FAM149B1: variants seen among roughly 807,000 people sequenced by gnomAD.
The protein encoded by FAM149B1 is primary cilium assembly protein FAM149B1.
In FAM149B1, 56 loss-of-function variants were observed where a neutral mutation model predicts 75.3. That is an observed-to-expected ratio of 0.74 (90% CI 0.60 to 0.93). The LOEUF is 0.93. FAM149B1 is among the 40% of genes least tolerant of loss of function. The probability of loss-of-function intolerance (pLI) is 0.00; values close to 1 mark genes in which losing one functional copy is unlikely to be tolerated. For synonymous variants in FAM149B1, 259 were observed against 256.1 expected (o/e 1.01, Z -0.11); for missense variants, 639 against 708.4 (o/e 0.90, Z 1.11).
Position 73,199,813 on chromosome 10 carries a change from C to T in FAM149B1, c.542+6220C>T, listed in dbSNP as rs189812769. On this transcript the variant is annotated intron_variant, in intron 5 of 13. Transcript: ENST00000242505. ...GCAGCTTTTCAGTCGGGTGCTAAGT[C>T]GTTTTTCACATCATGTCTGGTGGCT... The T allele has an allele frequency of 4.0e-3, 644 of 159,030 alleles. 4 individuals are homozygous for T. Among genetic ancestry groups the T allele is most frequent in the Non-Finnish European group, 5.7e-3 (407 of 71,184 alleles). 9.9% of individuals were successfully genotyped at this position (159,030 alleles called of 1,614,324 possible).
chr10:73,236,886 T>A (rs753233251), intron 12 of FAM149B1, among the ~76,000 whole-genome samples: 3 of 151,920 alleles, frequency 2.0e-5, no homozygotes, highest in African/African-American at 4.8e-5. Context: ...CTGCTAATTT[T>A]TTTATTTTGT....
chr10:73,196,129 C>T (rs1318640341), intron 5 of FAM149B1, among the ~76,000 whole-genome samples: 1 of 152,116 alleles, frequency 6.6e-6, no homozygotes, highest in Non-Finnish European at 1.5e-5. Flanking sequence ...TTTTCTGGTA[C>T]AGTAGGATGT....
At chr10:73,203,930 C>G (rs138554512) in intron 5 of FAM149B1, among the ~76,000 whole-genome samples, 2 of 151,950 alleles carry the variant, frequency 1.3e-5, no homozygotes, top group Non-Finnish European at 2.9e-5. Flanking sequence ...AATGAACCAC[C>G]GTGCCCCACC....
chr10:73,189,182 C>G (rs556077452), intron 3 of FAM149B1, among the ~76,000 whole-genome samples: 8 of 152,158 alleles, frequency 5.3e-5, no homozygotes, highest in African/African-American at 1.7e-4. Context: ...AAATTGAAAA[C>G]TGGGAAGATA....
At chr10:73,240,676 C>T (rs1038580938) in intron 13 of FAM149B1, among the ~76,000 whole-genome samples, 1 of 150,552 alleles carries the variant, frequency 6.6e-6, no homozygotes, top group Non-Finnish European at 1.5e-5. Flanking sequence ...CATGCCACTG[C>T]ACCTCCAGCC....
chr10:73,206,967 C>T (rs1430083724), intron 5 of FAM149B1, among the ~76,000 whole-genome samples: 1 of 152,102 alleles, frequency 6.6e-6, no homozygotes, highest in African/African-American at 2.4e-5. Flanking sequence ...AGCTGTAAGC[C>T]TTGGCAGCTT....
chr10:73,193,641 TA>T, intron 5 of FAM149B1, 48 bp downstream of exon 5: 1 of 1,519,860 alleles, frequency 6.6e-7, no homozygotes, highest in Non-Finnish European at 8.9e-7. Context: ...AATATGCAAG[TA>T]TTATGTCCTA....
chr10:73,228,589 T>C (rs923381276), intron 8 of FAM149B1, among the ~76,000 whole-genome samples: 1 of 151,172 alleles, frequency 6.6e-6, no homozygotes, highest in Non-Finnish European at 1.5e-5. Flanking sequence ...TGGCCCACCC[T>C]GTTTATTTTT....
chr10:73,204,289 TAA>T (rs2043001280), intron 5 of FAM149B1, among the ~76,000 whole-genome samples: 1 of 152,048 alleles, frequency 6.6e-6, no homozygotes, highest in South Asian at 2.1e-4. Flanking sequence ...CACGCCTGGC[TAA>T]TTTTTGTATT....
intron 3 of FAM149B1, among the ~76,000 whole-genome samples, chr10:73,179,795 G>A (rs573404432): frequency 6.6e-6 from 1 of 151,978 alleles, no homozygotes; most frequent in African/African-American, 2.4e-5. Flanking sequence ...TATGATACAT[G>A]TACATACTAT....
chr10:73,199,149 A>G (rs367740450), intron 5 of FAM149B1, among the ~76,000 whole-genome samples: 2 of 152,214 alleles, frequency 1.3e-5, no homozygotes, highest in Non-Finnish European at 2.9e-5. Flanking sequence ...AAATATAACT[A>G]TAACTACCAG....
At position 73,244,192 on chromosome 10, in the gene FAM149B1, A is replaced by C; in HGVS notation, c.*3173A>C. 3 of 423,570 alleles carry C rather than the reference A, an allele frequency of 7.1e-6. No individual in the cohort carries two copies. The highest frequency in any genetic ancestry group is 4.2e-6 in the Non-Finnish European group (1 of 237,426). The allele number at this position is 423,570 out of a possible 1,614,324, so 26.2% of individuals were successfully genotyped here. On this transcript the variant is annotated 3_prime_UTR_variant, in exon 14 of 14. Transcript: ENST00000242505. Reference sequence around the variant, plus strand: ...AAGTACTCTGGCACTCATAAATCACATGATGATAAAAAGGAACATGAGGCC... The same window carrying C: ...AAGTACTCTGGCACTCATAAATCACCTGATGATAAAAAGGAACATGAGGCC...
At chr10:73,172,142 TAA>T (rs1843743624) in intron 1 of FAM149B1, among the ~76,000 whole-genome samples, 1 of 152,230 alleles carries the variant, frequency 6.6e-6, no homozygotes, top group East Asian at 1.9e-4. Flanking sequence ...AAAAATGTCT[TAA>T]GTCTCTATTT....
rs1367697410 is a variant in FAM149B1, at chr10:73,234,820, AG to A, written c.1357del (p.Val453TrpfsTer14). The A allele has an allele frequency of 6.4e-7, 1 of 1,551,518 alleles. No individual in the cohort carries two copies. Among genetic ancestry groups the A allele is most frequent in the South Asian group, 1.2e-5 (1 of 84,064 alleles). On this transcript the variant is annotated frameshift_variant, in exon 11 of 14. Transcript: ENST00000242505. LOFTEE classifies it high-confidence loss of function. ...TGTTTGTTGGTGGGATCTGCAGCCC[AG>A]TGGCACCCGACTCGCTCTCCTCTCC... ...EEILRGARVPVAPDSLSSPSP... is the reference protein window; with the variant it reads ...EEILRGARVPXAPDSLSSPSP...
At chr10:73,194,378 A>C (rs1247757639) in intron 5 of FAM149B1, among the ~76,000 whole-genome samples, 1 of 152,140 alleles carries the variant, frequency 6.6e-6, no homozygotes, top group Admixed American at 6.6e-5. Flanking sequence ...AAAGTTGAAA[A>C]AGTGATTTAT....
At chr10:73,236,256 G>A (rs912082456) in intron 12 of FAM149B1, among the ~76,000 whole-genome samples, 2 of 152,154 alleles carry the variant, frequency 1.3e-5, no homozygotes, top group Non-Finnish European at 2.9e-5. Context: ...TTTCCTCACA[G>A]TTCCAGAGGC....
intron 7 of FAM149B1, among the ~76,000 whole-genome samples, chr10:73,216,132 C>T (rs2043293050): frequency 6.6e-6 from 1 of 151,944 alleles, no homozygotes; most frequent in African/African-American, 2.4e-5. Flanking sequence ...TGAATTGATC[C>T]CTTTGTCATT....
chr10:73,210,329 T>G lies in FAM149B1; in HGVS notation c.789T>G (p.Phe263Leu), dbSNP rs375715642. ...TAGGGTATCCTCCCATTGCTCCATTTTACTGCATGAAAGAAGATGTCCTTG... is the reference window on the plus strand; with the variant it reads ...TAGGGTATCCTCCCATTGCTCCATTGTACTGCATGAAAGAAGATGTCCTTG... ...QKLGYPPIAP[F>L]YCMKEDVLAY... The change falls in exon 7 of 14, where the codon TTT becomes TTG. Residue 263 changes from phenylalanine (F) to leucine (L), a missense_variant. Phe to Leu is a conservative substitution (Grantham distance 22). Transcript: ENST00000242505. The G allele has an allele frequency of 7.5e-5, 117 of 1,551,110 alleles. No individual in the cohort carries two copies. Among genetic ancestry groups the G allele is most frequent in the Non-Finnish European group, 8.9e-5 (102 of 1,146,440 alleles).
At chr10:73,213,863 A>T (rs2043242195) in intron 7 of FAM149B1, among the ~76,000 whole-genome samples, 2 of 152,044 alleles carry the variant, frequency 1.3e-5, no homozygotes, top group Non-Finnish European at 2.9e-5. Context: ...GAAAAATGGC[A>T]TTGGTAATTT....
Sources: gnomAD v4.1 joint callset for allele counts (sites outside exome capture counted in the v4.1 genomes callset) on GRCh38, gnomAD v4.1.1 for gene constraint, MANE v1.5 for transcripts, NCBI Gene and HGNC (gene_info 2026-07-23, HGNC 2026-07-21) for gene names.